The following RNF180 variants were observed in gnomAD, a reference collection of about 807,000 sequenced individuals.
RNF180 encodes the protein E3 ubiquitin-protein ligase RNF180.
A neutral mutation model predicts 59.2 loss-of-function variants in RNF180; 38 were observed. The ratio of observed to expected loss-of-function variants is 0.64; its 90% CI spans 0.50 to 0.84. The LOEUF (loss-of-function observed/expected upper bound fraction) is 0.84. RNF180 is among the 40% of genes least tolerant of loss of function. RNF180 has a pLI of 0.00. For synonymous variants in RNF180, 262 were observed against 240.3 expected (o/e 1.09, Z -0.84); for missense variants, 705 against 700.9 (o/e 1.01, Z -0.07).
At chr5:64,359,568 T>C (rs891533102) in intron 7 of RNF180, among the ~76,000 whole-genome samples, 61 of 152,018 alleles carry the variant, frequency 4.0e-4, no homozygotes, top group African/African-American at 1.3e-3. Context: ...GTGAAAATGT[T>C]CTCCCATTCT....
chr5:64,361,118 C>T (rs1580311764), intron 7 of RNF180, among the ~76,000 whole-genome samples: 1 of 151,448 alleles, frequency 6.6e-6, no homozygotes, highest in Non-Finnish European at 1.5e-5. Context: ...TGTCACCTAA[C>T]AGCCAACATG....
chr5:64,172,324 T>G (rs990092942), intron 1 of RNF180, among the ~76,000 whole-genome samples: 2 of 152,254 alleles, frequency 1.3e-5, no homozygotes, highest in South Asian at 4.2e-4. Context: ...AGCAGGGGGC[T>G]GGGGGTTGTT....
In RNF180 at chr5:64,330,296, C is replaced by T; in HGVS notation, c.1469C>T (p.Thr490Ile). ...VFFQTELNNATKTFFTKEYLK... is the reference protein window; with the variant it reads ...VFFQTELNNAIKTFFTKEYLK... ...TTTATTCTAGAATTGAACAATGCCA[C>T]AAAAACTTTCTTTACTAAAGAATAT... Residue 490 changes from threonine (T) to isoleucine (I), a missense_variant, in exon 7 of 8, where the codon ACA becomes ATA. Transcript: ENST00000389100. 1 of 1,492,148 alleles carries T rather than the reference C, an allele frequency of 6.7e-7. No individual in the cohort carries two copies. Among genetic ancestry groups the T allele is most frequent in the South Asian group, 1.3e-5 (1 of 78,684 alleles). 92.4% of individuals were successfully genotyped at this position (1,492,148 alleles called of 1,614,324 possible).
Position 64,228,743 on chromosome 5 carries a change from G to A in RNF180, c.1227+11347G>A, listed in dbSNP as rs1419422683. On this transcript the variant is annotated intron_variant, in intron 5 of 7. Coordinates refer to ENST00000389100, the MANE Select transcript of RNF180 (RefSeq NM_001113561.2). Reference sequence around the variant, plus strand: ...TTTTTATTCATTTCTTGGTGCAGAAGCTTAGATCACTCACCTTTGTTCTCC... The same window carrying A: ...TTTTTATTCATTTCTTGGTGCAGAAACTTAGATCACTCACCTTTGTTCTCC... Among the ~76,000 whole-genome samples the A allele has an allele frequency of 2.6e-5, 4 of 151,806 alleles. No individual in the cohort carries two copies. In the East Asian group the frequency reaches 7.7e-4, roughly 29 times the overall value.
chr5:64,332,282 C>T (rs1044775023), intron 7 of RNF180, among the ~76,000 whole-genome samples: 1 of 152,186 alleles, frequency 6.6e-6, no homozygotes, highest in African/African-American at 2.4e-5. Context: ...GGCACCAGTA[C>T]TCTGTATAAA....
intron 1 of RNF180, among the ~76,000 whole-genome samples, chr5:64,176,499 G>A (rs968605052): frequency 6.6e-6 from 1 of 152,064 alleles, no homozygotes. Flanking sequence ...CAGCCATCTT[G>A]ATGACATCAC....
chr5:64,169,296 T>A (rs764073860), intron 1 of RNF180, among the ~76,000 whole-genome samples: 1 of 152,232 alleles, frequency 6.6e-6, no homozygotes, highest in Non-Finnish European at 1.5e-5. Context: ...AGTGAGAGTG[T>A]GACCAAAACT....
chr5:64,203,473 G>A (rs924383505), intron 2 of RNF180, among the ~76,000 whole-genome samples: 1 of 151,932 alleles, frequency 6.6e-6, no homozygotes, highest in African/African-American at 2.4e-5. Context: ...AGGCCTATTT[G>A]TCCTGCTCCC....
intron 5 of RNF180, among the ~76,000 whole-genome samples, chr5:64,280,334 C>T (rs1000294004): frequency 2.0e-5 from 3 of 151,984 alleles, no homozygotes; most frequent in African/African-American, 7.2e-5. Context: ...TCATATTTGT[C>T]AATTTTTGTT....
At chr5:64,237,936 G>A (rs1742549877) in intron 5 of RNF180, among the ~76,000 whole-genome samples, 1 of 151,938 alleles carries the variant, frequency 6.6e-6, no homozygotes, top group South Asian at 2.1e-4. Flanking sequence ...GTTTCCTGGG[G>A]CCTCCCTAGC....
chr5:64,255,705 G>T (rs1305408635), intron 5 of RNF180, among the ~76,000 whole-genome samples: 1 of 152,164 alleles, frequency 6.6e-6, no homozygotes, highest in African/African-American at 2.4e-5. Flanking sequence ...AATCCTTTGG[G>T]TATATACCCA....
At chr5:64,174,693 T>C (rs530441517) in intron 1 of RNF180, among the ~76,000 whole-genome samples, 2 of 152,176 alleles carry the variant, frequency 1.3e-5, no homozygotes, top group Non-Finnish European at 2.9e-5. Context: ...TCCTTATATC[T>C]TCTGGATATT....
At chr5:64,274,096 A>G (rs1329940944) in intron 5 of RNF180, among the ~76,000 whole-genome samples, 3 of 152,048 alleles carry the variant, frequency 2.0e-5, no homozygotes, top group Non-Finnish European at 4.4e-5. Flanking sequence ...TTATAGCCCT[A>G]TACCATTCTT....
intron 3 of RNF180, 143 bp from the exon 4 acceptor site, chr5:64,213,415 T>C: frequency 1.5e-6 from 1 of 680,276 alleles, no homozygotes; most frequent in South Asian, 2.1e-5. Flanking sequence ...TATTTGCTGT[T>C]CAGTCTACTA....
chr5:64,349,148 GAAGTA>G (rs1222954859), intron 7 of RNF180, among the ~76,000 whole-genome samples: 1 of 151,984 alleles, frequency 6.6e-6, no homozygotes, highest in African/African-American at 2.4e-5. Context: ...TACATAACCA[GAAGTA>G]AATCCTCCCA....
At chr5:64,353,930 A>G (rs887021917) in intron 7 of RNF180, among the ~76,000 whole-genome samples, 1 of 151,802 alleles carries the variant, frequency 6.6e-6, no homozygotes, top group Non-Finnish European at 1.5e-5. Flanking sequence ...GATATGAATG[A>G]AAACAAAAAT....
At chr5:64,304,439 A>T (rs913294673) in intron 5 of RNF180, among the ~76,000 whole-genome samples, 3 of 151,596 alleles carry the variant, frequency 2.0e-5, no homozygotes, top group Non-Finnish European at 3.0e-5. Context: ...CATGAGTCCT[A>T]TGAGAGGGTG....
chr5:64,233,646 A>G (rs757629318), intron 5 of RNF180, among the ~76,000 whole-genome samples: 23 of 152,208 alleles, frequency 1.5e-4, no homozygotes, highest in Non-Finnish European at 7.4e-5. Context: ...GGGAGCTGGA[A>G]GAAGACAAAA....
At position 64,172,873 on chromosome 5, in the gene RNF180, G is replaced by A. The variant is rs191999739; in HGVS notation, c.-1+6920G>A. 7.9e-5 allele frequency among the ~76,000 whole-genome samples: 12 copies of A among 152,286 alleles called. 1 individual carries two copies. In the East Asian group the frequency reaches 2.3e-3, roughly 29 times the overall value. ...TGATTATTCCAGGTGAAAGCAAATAGATATTGACTGTCATGGTCAGTGGGA... is the reference window on the plus strand; with the variant it reads ...TGATTATTCCAGGTGAAAGCAAATAAATATTGACTGTCATGGTCAGTGGGA... On this transcript the variant is annotated intron_variant, in intron 1 of 7. Transcript: ENST00000389100.
Sources: allele counts gnomAD v4.1 joint callset (sites outside exome capture counted in the v4.1 genomes callset), GRCh38; gene constraint gnomAD v4.1.1; transcripts MANE v1.5; gene names NCBI Gene and HGNC (gene_info 2026-07-23, HGNC 2026-07-21).